The following RUNDC3B variants were observed in gnomAD, a reference collection of about 807,000 sequenced individuals.
RUNDC3B encodes RUN domain containing 3B, also known as RUN domain-containing protein 3B.
Under a neutral mutation model 58.4 loss-of-function variants are expected in RUNDC3B, and 33 were observed. The ratio of observed to expected loss-of-function variants is 0.56; its 90% confidence interval spans 0.43 to 0.75. RUNDC3B has a LOEUF of 0.75. Among genes scored for constraint, RUNDC3B ranks in the 30% least tolerant of loss-of-function variants. The probability of loss-of-function intolerance (pLI) is 0.00; values close to 1 mark genes in which losing one functional copy is unlikely to be tolerated. For synonymous variants in RUNDC3B, 193 were observed against 195.2 expected (o/e 0.99, Z 0.10); for missense variants, 501 against 535.7 (o/e 0.94, Z 0.64).
chr7:87,708,268 A>G (rs140572544), intron 3 of RUNDC3B, among the ~76,000 whole-genome samples: 29 of 152,266 alleles, frequency 1.9e-4, no homozygotes, highest in African/African-American at 7.0e-4. Context: ...GAAGATCAAA[A>G]GATAATATAA....
At chr7:87,777,712 A>G (rs1834713073) in intron 7 of RUNDC3B, 86 bp from the exon 8 acceptor site, 2 of 1,003,754 alleles carry the variant, frequency 2.0e-6, no homozygotes, top group Middle Eastern at 3.0e-4. Context: ...ATAAATAGGA[A>G]TAGCATTTAA....
chr7:87,731,363 C>T (rs1453689246), intron 4 of RUNDC3B, among the ~76,000 whole-genome samples: 1 of 152,012 alleles, frequency 6.6e-6, no homozygotes, highest in Non-Finnish European at 1.5e-5. Context: ...GAAAACATCA[C>T]AAAACAACCA....
intron 9 of RUNDC3B, among the ~76,000 whole-genome samples, chr7:87,812,923 G>A (rs6963254): frequency 0.054 from 8,148 of 152,184 alleles, 306 homozygotes; most frequent in Non-Finnish European, 0.084. Context: ...CAAAATGTTT[G>A]TCAGATGGAG....
intron 8 of RUNDC3B, among the ~76,000 whole-genome samples, chr7:87,789,783 A>G (rs1021441733): frequency 6.6e-6 from 1 of 152,174 alleles, no homozygotes; most frequent in Non-Finnish European, 1.5e-5. Context: ...GTAATTTGAT[A>G]TTGATAGTAT....
rs999725794 is a variant in RUNDC3B, at chr7:87,770,877, G to C, written c.798+128G>C. On this transcript the variant is annotated intron_variant, in intron 7 of 10. Transcript: ENST00000394654. Reference sequence around the variant, plus strand: ...GCTGCTTCTCTTCTGTTTTTGAATTGTCCTCCTCTTAATGAAAAATCAGGC... The same window carrying C: ...GCTGCTTCTCTTCTGTTTTTGAATTCTCCTCCTCTTAATGAAAAATCAGGC... 5.0e-6 allele frequency: 3 copies of C among 595,894 alleles called. No homozygotes were observed. In the African/African-American group the frequency reaches 5.7e-5, roughly 11 times the overall value. 36.9% of individuals were successfully genotyped at this position (595,894 alleles called of 1,614,324 possible).
chr7:87,710,240 C>T (rs770648527), intron 3 of RUNDC3B, among the ~76,000 whole-genome samples: 36 of 151,962 alleles, frequency 2.4e-4, no homozygotes, highest in Admixed American at 2.0e-4. Context: ...TGTTGATTTG[C>T]GGTATTGAAG....
intron 6 of RUNDC3B, among the ~76,000 whole-genome samples, chr7:87,741,787 G>A (rs763239203): frequency 6.6e-6 from 1 of 151,986 alleles, no homozygotes; most frequent in Non-Finnish European, 1.5e-5. Flanking sequence ...TAACATAATT[G>A]TAATCCTAGC....
chr7:87,705,910 C>A (rs573349711), intron 3 of RUNDC3B, among the ~76,000 whole-genome samples: 1 of 151,970 alleles, frequency 6.6e-6, no homozygotes, highest in South Asian at 2.1e-4. Flanking sequence ...CAAGAAATCC[C>A]TTCTCCTTCT....
At chr7:87,683,139 C>T (rs192131013) in intron 2 of RUNDC3B, among the ~76,000 whole-genome samples, 64 of 152,206 alleles carry the variant, frequency 4.2e-4, no homozygotes, top group African/African-American at 1.4e-3. Context: ...TTTTCTTCTG[C>T]GGCGTCTTTG....
At chr7:87,663,057 T>A (rs1824870681) in intron 2 of RUNDC3B, among the ~76,000 whole-genome samples, 1 of 152,134 alleles carries the variant, frequency 6.6e-6, no homozygotes, top group Non-Finnish European at 1.5e-5. Context: ...TGTTGGCATA[T>A]AGGAAAGCTG....
chr7:87,829,893 G>A lies in RUNDC3B; in HGVS notation c.1234G>A (p.Asp412Asn). ...TTAATTCTAATTTTCAGGTAAGGAAGATACTCCCTCATTACTTGGCCTCTG... is the reference window on the plus strand; with the variant it reads ...TTAATTCTAATTTTCAGGTAAGGAAAATACTCCCTCATTACTTGGCCTCTG... ...TLNVMSEGKE[D>N]TPSLLGLCGS... The change falls in exon 11 of 11, where the codon GAT becomes AAT. Residue 412 changes from aspartate to asparagine, a missense_variant. By Grantham distance (23) the Asp-to-Asn change is conservative. Coordinates refer to ENST00000394654, the MANE Select transcript of RUNDC3B (RefSeq NM_001134405.2). 6.3e-7 allele frequency: 1 copy of A among 1,599,806 alleles called. No individual in the cohort carries two copies. The highest frequency in any genetic ancestry group is 1.1e-5 in the South Asian group (1 of 88,906).
chr7:87,722,182 C>G (rs919750822), intron 4 of RUNDC3B, among the ~76,000 whole-genome samples: 1 of 151,770 alleles, frequency 6.6e-6, no homozygotes, highest in Admixed American at 6.6e-5. Context: ...TATCTATCAC[C>G]TCTTATACTT....
Position 87,628,580 on chromosome 7 carries a change from CGTGCGT to C in RUNDC3B, c.-240_-235del, listed in dbSNP as rs1159159897. 1.1e-3 allele frequency: 310 copies of C among 292,748 alleles called. No individual in the cohort carries two copies. The highest frequency in any genetic ancestry group is 5.1e-3 in the Admixed American group (78 of 15,336). 18.1% of individuals were successfully genotyped at this position (292,748 alleles called of 1,614,324 possible). A position where few individuals can be genotyped will look rare whatever the true frequency, so the allele number is the denominator to read the frequency against. On this transcript the variant is annotated 5_prime_UTR_variant, in exon 1 of 11. Coordinates refer to ENST00000394654, the MANE Select transcript of RUNDC3B (RefSeq NM_001134405.2). Reference sequence around the variant, plus strand: ...GCGCCGAGGGCGGAGGTGGTGCGTGCGTGCGTGTGTGTGTGTGTGTGTGTGTGTGTG... The same window carrying C: ...GCGCCGAGGGCGGAGGTGGTGCGTGCGTGTGTGTGTGTGTGTGTGTGTGTG...
rs546186908 is a variant in RUNDC3B, at chr7:87,655,333, C to G, written c.238+4396C>G. ...AGGACTCAACCTAATTGTCCATCTA[C>G]TGATGAGTCGATAAAAAAAAAGTTG... On this transcript the variant is annotated intron_variant, in intron 2 of 10. Coordinates refer to ENST00000394654, the MANE Select transcript of RUNDC3B (RefSeq NM_001134405.2). Among the ~76,000 whole-genome samples, 3 of 152,108 alleles carry G rather than the reference C, an allele frequency of 2.0e-5. No individual in the cohort carries two copies. In the South Asian group the frequency reaches 6.2e-4, roughly 32 times the overall value.
At chr7:87,817,395 A>T (rs947808178) in intron 10 of RUNDC3B, among the ~76,000 whole-genome samples, 1 of 152,142 alleles carries the variant, frequency 6.6e-6, no homozygotes, top group African/African-American at 2.4e-5. Flanking sequence ...AGACTCTCCA[A>T]TGGCTTTCAA....
At position 87,830,700 on chromosome 7, in the gene RUNDC3B, T is replaced by C. The variant is rs546715990; in HGVS notation, c.*670T>C. 2.0e-5 allele frequency: 3 copies of C among 151,912 alleles called. No individual in the cohort carries two copies. The East Asian group carries it at 5.8e-4, about 29-fold the overall frequency. 9.4% of individuals were successfully genotyped at this position (151,912 alleles called of 1,614,324 possible). A position where few individuals can be genotyped will look rare whatever the true frequency, so the allele number is the denominator to read the frequency against. On this transcript the variant is annotated 3_prime_UTR_variant, in exon 11 of 11. Transcript: ENST00000394654. ...CCACAAGGAAAATATTTTACAGTATTTTATGCCATTTAGGCAAAATGAATA... is the reference window on the plus strand; with the variant it reads ...CCACAAGGAAAATATTTTACAGTATCTTATGCCATTTAGGCAAAATGAATA...
intron 2 of RUNDC3B, among the ~76,000 whole-genome samples, chr7:87,674,238 G>A (rs1826102737): frequency 6.6e-6 from 1 of 152,192 alleles, no homozygotes; most frequent in Non-Finnish European, 1.5e-5. Context: ...ATTGGCTGGG[G>A]CAGGGTACCA....
chr7:87,674,749 G>T (rs779069754), intron 2 of RUNDC3B, among the ~76,000 whole-genome samples: 2 of 152,138 alleles, frequency 1.3e-5, no homozygotes, highest in Non-Finnish European at 2.9e-5. Context: ...ATCTGAGGCC[G>T]CATTGCAAGT....
At chr7:87,670,877 G>A (rs183297817) in intron 2 of RUNDC3B, among the ~76,000 whole-genome samples, 1 of 152,210 alleles carries the variant, frequency 6.6e-6, no homozygotes, top group Non-Finnish European at 1.5e-5. Flanking sequence ...CTCTGTCAAT[G>A]TTCTGAAAGT....
Sources: allele counts gnomAD v4.1 joint callset (sites outside exome capture counted in the v4.1 genomes callset), GRCh38; gene constraint gnomAD v4.1.1; transcripts MANE v1.5; gene names NCBI Gene and HGNC (gene_info 2026-07-23, HGNC 2026-07-21).